Variants in SLC36A1 observed in about 807,000 individuals in gnomAD.
SLC36A1 encodes solute carrier family 36 member 1.
SLC36A1 carries 30 observed loss-of-function variants against 47.5 expected under a neutral mutation model. The ratio of observed to expected loss-of-function variants is 0.63; its 90% CI spans 0.47 to 0.86. The LOEUF is 0.86. SLC36A1 is among the 40% of genes least tolerant of loss of function. SLC36A1 has a pLI of 0.00. For synonymous variants in SLC36A1, 255 were observed against 249.7 expected, an observed-to-expected ratio of 1.02 and a Z score of -0.20; for missense variants, 517 against 606.0, an observed-to-expected ratio of 0.85 and a Z score of 1.54.
the SLC36A1 span, among the ~76,000 whole-genome samples, chr5:151,418,582 A>G: frequency 2.0e-5 from 3 of 152,048 alleles, no homozygotes. Flanking sequence ...TGTTTGGCCA[A>G]TTTCTCCCAT....
the SLC36A1 span, chr5:151,534,675 T>G: frequency 6.3e-7 from 1 of 1,576,910 alleles, no homozygotes; most frequent in South Asian, 1.1e-5. Context: ...TTGAGCTTTC[T>G]CTGGGGAAAT....
chr5:151,498,548 G>A, the SLC36A1 span, among the ~76,000 whole-genome samples: 11 of 152,178 alleles, frequency 7.2e-5, no homozygotes, highest in Non-Finnish European at 1.3e-4. Context: ...CAAACCTCAC[G>A]TCCTTGCTGC....
At chr5:151,381,265 C>T in the SLC36A1 span, 4 of 257,628 alleles carry the variant, frequency 1.6e-5, no homozygotes, top group Admixed American at 4.8e-5. Flanking sequence ...TGCTGCCAGC[C>T]TTCTCCTCAG....
chr5:151,453,632 A>G (rs1204726318), intron 1 of SLC36A1, among the ~76,000 whole-genome samples: 2 of 152,196 alleles, frequency 1.3e-5, no homozygotes, highest in African/African-American at 4.8e-5. Context: ...CATCTAATGC[A>G]GTTTTCTCAA....
chr5:151,499,988 TGGA>T, the SLC36A1 span, among the ~76,000 whole-genome samples: 2 of 152,034 alleles, frequency 1.3e-5, no homozygotes, highest in African/African-American at 4.8e-5. Flanking sequence ...GCCCCAAAAG[TGGA>T]TGTAGGGCTT....
the SLC36A1 span, chr5:151,543,361 T>C: frequency 6.2e-7 from 1 of 1,614,206 alleles, no homozygotes. Context: ...TACTGTGTAC[T>C]CAGATGCTTT....
At chr5:151,473,985 C>T (rs1490669430) in intron 8 of SLC36A1, among the ~76,000 whole-genome samples, 1 of 151,494 alleles carries the variant, frequency 6.6e-6, no homozygotes, top group South Asian at 2.1e-4. Context: ...CATGGTGAAA[C>T]CCCATCTCTA....
chr5:151,411,775 TC>T, the SLC36A1 span, among the ~76,000 whole-genome samples: 10 of 144,504 alleles, frequency 6.9e-5, 1 homozygote, highest in Non-Finnish European at 1.5e-4. Context: ...GTACAGTTTT[TC>T]CCACGGATAA....
chr5:151,452,801 C>T (rs1405194398), intron 1 of SLC36A1, among the ~76,000 whole-genome samples: 5 of 150,528 alleles, frequency 3.3e-5, no homozygotes, highest in South Asian at 2.1e-4. Context: ...ACCCAGGAGG[C>T]GGAGGTTGCA....
At chr5:151,467,474 G>A (rs1358930940) in intron 6 of SLC36A1, among the ~76,000 whole-genome samples, 191 bp downstream of exon 6, 2 of 152,086 alleles carry the variant, frequency 1.3e-5, no homozygotes, top group African/African-American at 2.4e-5. Flanking sequence ...TAGAGAAACC[G>A]CCACATGTCT....
chr5:151,428,996 C>T, the SLC36A1 span, among the ~76,000 whole-genome samples: 1 of 152,140 alleles, frequency 6.6e-6, no homozygotes. Flanking sequence ...AAAGCTGTCA[C>T]ATCTCTGGAA....
chr5:151,397,184 A>G, the SLC36A1 span, among the ~76,000 whole-genome samples: 57 of 152,328 alleles, frequency 3.7e-4, no homozygotes, highest in Non-Finnish European at 6.8e-4. Flanking sequence ...TCCTGGCTCC[A>G]TGTAGACAGC....
At chr5:151,551,402 T>C in the SLC36A1 span, 1 of 1,571,050 alleles carries the variant, frequency 6.4e-7, no homozygotes, top group Non-Finnish European at 8.7e-7. Flanking sequence ...CTCTGTAGCC[T>C]CATCCCAACC....
At chr5:151,442,827 T>G (rs1299828285), upstream of SLC36A1, among the ~76,000 whole-genome samples, 1 of 152,120 alleles carries the variant, frequency 6.6e-6, no homozygotes, top group Non-Finnish European at 1.5e-5. Flanking sequence ...TGGTCACCAC[T>G]GTTTGATTCT....
chr5:151,503,442 G>A, the SLC36A1 span, among the ~76,000 whole-genome samples: 3 of 148,834 alleles, frequency 2.0e-5, 1 homozygote, highest in African/African-American at 7.9e-5. Context: ...CATAATTAGT[G>A]TGCGACAGAG....
chr5:151,545,020 T>C, the SLC36A1 span: 8 of 1,614,092 alleles, frequency 5.0e-6, no homozygotes, highest in African/African-American at 9.3e-5. Context: ...TGCCAACTCA[T>C]GAGTGTCCTG....
At chr5:151,349,516 A>G in the SLC36A1 span, among the ~76,000 whole-genome samples, 1 of 151,770 alleles carries the variant, frequency 6.6e-6, no homozygotes, top group Non-Finnish European at 1.5e-5. Flanking sequence ...TCCCCTTCAA[A>G]CTCCAGTGTC....
chr5:151,405,678 T>C, the SLC36A1 span, among the ~76,000 whole-genome samples: 1 of 152,200 alleles, frequency 6.6e-6, no homozygotes, highest in African/African-American at 2.4e-5. Flanking sequence ...TTCCTTCTCA[T>C]CTTAGGGGGC....
At chr5:151,544,722 AGCTT>A in the SLC36A1 span, 1 of 1,614,204 alleles carries the variant, frequency 6.2e-7, no homozygotes, top group Non-Finnish European at 8.5e-7. Context: ...ATTTATTTAA[AGCTT>A]GATAATCAAA....
Sources: allele counts gnomAD v4.1 joint callset (sites outside exome capture counted in the v4.1 genomes callset), GRCh38; gene constraint gnomAD v4.1.1; transcripts MANE v1.5; gene names NCBI Gene and HGNC (gene_info 2026-07-23, HGNC 2026-07-21).